The following RFC1 variants were observed in gnomAD, a reference collection of about 807,000 sequenced individuals.
RFC1 encodes the protein A1 140 kDa subunit.
A neutral mutation model predicts 137.4 loss-of-function variants in RFC1; 37 were observed. The ratio of observed to expected loss-of-function variants is 0.27; its 90% confidence interval spans 0.21 to 0.35. The LOEUF is 0.35. RFC1 is among the 10% of genes least tolerant of loss of function. RFC1 has a pLI of 1.00. For missense variants in RFC1, 1,205 were observed against 1,358.5 expected (o/e 0.89, Z 1.78); for synonymous variants, 429 against 455.7 (o/e 0.94, Z 0.75).
At chr4:39,300,852 G>A (rs1738319783) in intron 19 of RFC1, among the ~76,000 whole-genome samples, 1 of 152,148 alleles carries the variant, frequency 6.6e-6, no homozygotes, top group African/African-American at 2.4e-5. Context: ...CGAGCACTTT[G>A]GGAGGCTGAG....
rs1737492009 is a variant in RFC1, at chr4:39,288,510, A to G, written c.*251T>C. On this transcript the variant is annotated 3_prime_UTR_variant, in exon 25 of 25. Transcript: ENST00000349703. ...TCTAGTTCCAATTCTACAGTCATTC[A>G]GAAGCACGTCTAACTAGATTGACAG... 3.0e-6 allele frequency: 1 copy of G among 330,096 alleles called. No individual in the cohort carries two copies. The highest frequency in any genetic ancestry group is 1.0e-4 in the South Asian group (1 of 9,656). 20.4% of individuals were successfully genotyped at this position (330,096 alleles called of 1,614,324 possible).
chr4:39,310,664 C>G (rs1264567323), intron 12 of RFC1, among the ~76,000 whole-genome samples: 1 of 152,224 alleles, frequency 6.6e-6, no homozygotes, highest in African/African-American at 2.4e-5. Flanking sequence ...AGACCAGACC[C>G]TCCCTGCCCA....
intron 12 of RFC1, among the ~76,000 whole-genome samples, chr4:39,309,416 G>A (rs1432843646): frequency 6.6e-6 from 1 of 152,078 alleles, no homozygotes; most frequent in Non-Finnish European, 1.5e-5. Context: ...CTAAAAGATG[G>A]AAACAATCCA....
intron 15 of RFC1, 165 bp from the exon 16 acceptor site, chr4:39,303,316 A>G (rs1009410930): frequency 6.8e-6 from 4 of 592,036 alleles, no homozygotes; most frequent in Non-Finnish European, 1.2e-5. Context: ...AAAAAAAAGA[A>G]TATGCAGAGA....
At chr4:39,296,038 T>G in intron 21 of RFC1, 1 of 276,074 alleles carries the variant, frequency 3.6e-6, no homozygotes, top group Non-Finnish European at 6.7e-6. Context: ...AATCTCAACA[T>G]ACCGGTTACC....
intron 2 of RFC1, among the ~76,000 whole-genome samples, chr4:39,350,733 C>T (rs925006300): frequency 2.6e-5 from 4 of 152,058 alleles, no homozygotes; most frequent in African/African-American, 7.2e-5. Context: ...ACAAAAAATG[C>T]TAAACAAAAT....
chr4:39,366,027 T>C (rs1279961917), intron 1 of RFC1, among the ~76,000 whole-genome samples: 6 of 152,318 alleles, frequency 3.9e-5, no homozygotes, highest in Admixed American at 1.3e-4. Flanking sequence ...ACAAAATCCC[T>C]GCGCGCTGGC....
At position 39,292,615 on chromosome 4, in the gene RFC1, ATTATTTATTTATTTAT is replaced by A. The variant is rs58733449; in HGVS notation, c.2955-779_2955-764del. On this transcript the variant is annotated intron_variant, in intron 22 of 24. Transcript: ENST00000349703. ...TCAAACCAGGCATTTATATGTATACATTATTTATTTATTTATTTATTTATTTATTTATTTATTTATT... is the reference window on the plus strand; with the variant it reads ...TCAAACCAGGCATTTATATGTATACATTATTTATTTATTTATTTATTTATT... Among the ~76,000 whole-genome samples the A allele has an allele frequency of 2.6e-3, 376 of 144,052 alleles. 4 individuals carry two copies. In the South Asian group the frequency reaches 0.04, roughly 15 times the overall value. 94.5% of individuals were successfully genotyped at this position (144,052 alleles called of 152,430 possible). A position where few individuals can be genotyped will look rare whatever the true frequency, so the allele number is the denominator to read the frequency against.
At chr4:39,317,640 A>G (rs2109658682) in intron 9 of RFC1, among the ~76,000 whole-genome samples, 1 of 152,290 alleles carries the variant, frequency 6.6e-6, no homozygotes, top group South Asian at 2.1e-4. Context: ...TCCTGGGGAA[A>G]CTTTTCAAAC....
At chr4:39,309,395 C>A (rs1177811615) in intron 12 of RFC1, among the ~76,000 whole-genome samples, 3 of 152,036 alleles carry the variant, frequency 2.0e-5, no homozygotes, top group Non-Finnish European at 4.4e-5. Context: ...ATGTTCATAA[C>A]CACATTATAG....
intron 7 of RFC1, 49 bp from the exon 8 acceptor site, chr4:39,321,423 T>C (rs544738812): frequency 6.5e-7 from 1 of 1,537,810 alleles, no homozygotes. Flanking sequence ...AGAAAAACTA[T>C]TACCATAAAA....
chr4:39,362,451 T>A (rs1741807749), intron 1 of RFC1, among the ~76,000 whole-genome samples: 5 of 152,170 alleles, frequency 3.3e-5, no homozygotes, highest in Admixed American at 3.3e-4. Context: ...TATAGATCAA[T>A]GGAACAGAAC....
intron 2 of RFC1, among the ~76,000 whole-genome samples, chr4:39,349,115 T>C (rs1333077093): frequency 1.3e-5 from 2 of 152,194 alleles, no homozygotes; most frequent in African/African-American, 4.8e-5. Context: ...ATCACCCATA[T>C]CTGATTTGGA....
chr4:39,350,209 GA>G (rs966430084), intron 2 of RFC1, among the ~76,000 whole-genome samples: 2 of 151,648 alleles, frequency 1.3e-5, no homozygotes, highest in Non-Finnish European at 2.9e-5. Flanking sequence ...TACTCAATCT[GA>G]AAAAAAGACT....
chr4:39,293,318 CAT>C (rs1299661643), intron 22 of RFC1, among the ~76,000 whole-genome samples: 2 of 152,170 alleles, frequency 1.3e-5, no homozygotes, highest in Non-Finnish European at 2.9e-5. Context: ...CTAATAGACT[CAT>C]AGAAAAGTCA....
intron 10 of RFC1, among the ~76,000 whole-genome samples, chr4:39,313,543 AG>A (rs1371408802): frequency 6.6e-6 from 1 of 152,222 alleles, no homozygotes; most frequent in Non-Finnish European, 1.5e-5. Context: ...TGTAAGTTGA[AG>A]GGAGTTTTGC....
chr4:39,344,068 C>G (rs1740733552), intron 3 of RFC1, among the ~76,000 whole-genome samples: 1 of 150,988 alleles, frequency 6.6e-6, no homozygotes, highest in Non-Finnish European at 1.5e-5. Context: ...GACCCAAGAT[C>G]ATGCCATTGC....
chr4:39,303,018 A>AT (rs777735737), intron 16 of RFC1, 42 bp downstream of exon 16: 3 of 1,530,588 alleles, frequency 2.0e-6, no homozygotes, highest in Non-Finnish European at 2.7e-6. Flanking sequence ...AACAATCTAA[A>AT]TTATCAACAG....
chr4:39,292,677 T>C (rs977459772), intron 22 of RFC1, among the ~76,000 whole-genome samples: 1 of 151,842 alleles, frequency 6.6e-6, no homozygotes, highest in Admixed American at 6.6e-5. Flanking sequence ...GCCTCACTCT[T>C]GTTGCCCAGG....
Sources: allele counts gnomAD v4.1 joint callset (sites outside exome capture counted in the v4.1 genomes callset), GRCh38; gene constraint gnomAD v4.1.1; transcripts MANE v1.5; gene names NCBI Gene and HGNC (gene_info 2026-07-23, HGNC 2026-07-21).